The following TUT1 variants were observed in gnomAD, a reference collection of about 807,000 sequenced individuals.
The protein encoded by TUT1 is terminal uridylyl transferase 1, U6 snRNA-specific, also known as speckle targeted PIP5K1A-regulated poly(A) polymerase.
In TUT1, 26 loss-of-function variants were observed where a neutral mutation model predicts 48.8. The observed-to-expected ratio is 0.53, with a 90% CI of 0.39 to 0.74. The LOEUF is 0.74. Among genes scored for constraint, TUT1 ranks in the 30% least tolerant of loss-of-function variants. The pLI is 0.00. For synonymous variants in TUT1, 470 were observed against 460.8 expected (o/e 1.02, Z -0.26); for missense variants, 1,065 against 1,114.8 (o/e 0.96, Z 0.64).
intron 5 of TUT1, among the ~76,000 whole-genome samples, chr11:62,577,779 T>C (rs1676389731): frequency 6.6e-6 from 1 of 152,122 alleles, no homozygotes; most frequent in African/African-American, 2.4e-5. Flanking sequence ...GAAAGTAGTA[T>C]TCTAGGGCGC....
chr11:62,582,486 C>G, intron 2 of TUT1: 2 of 386,460 alleles, frequency 5.2e-6, no homozygotes, highest in Non-Finnish European at 1.1e-5. Flanking sequence ...GTTCCAATTA[C>G]TTGGGAGGCT....
At position 62,575,132 on chromosome 11, in the gene TUT1, G is replaced by C. The variant is rs376557209; in HGVS notation, c.2587C>G (p.Gln863Glu). 1.9e-6 allele frequency: 3 copies of C among 1,583,488 alleles called. No individual in the cohort carries two copies. Among genetic ancestry groups the C allele is most frequent in the African/African-American group, 1.4e-5 (1 of 73,952 alleles). ...CGAATTGCTTGAGGGAGGAAAACCT[G>C]TAAGAAATGATGGAGATCAGGGAAC... ...GLFPDLHHFLQVFLPQAIRHL... is the reference protein window; with the variant it reads ...GLFPDLHHFLEVFLPQAIRHL... The change falls in exon 9 of 9, where the codon CAG (glutamine) becomes GAG (glutamate). Residue 863 changes from glutamine (Q) to glutamate (E), a missense_variant. Gln to Glu is a conservative substitution (Grantham distance 29). Coordinates refer to ENST00000476907, the MANE Select transcript of TUT1 (RefSeq NM_022830.3).
chr11:62,583,334 G>A (rs187419542), intron 2 of TUT1, among the ~76,000 whole-genome samples: 182 of 152,022 alleles, frequency 1.2e-3, no homozygotes, highest in Middle Eastern at 3.4e-3. Flanking sequence ...GAAAAACGCC[G>A]GGCGCAGTAG....
chr11:62,588,206 A>G (rs1941950036), intron 2 of TUT1, among the ~76,000 whole-genome samples: 1 of 152,240 alleles, frequency 6.6e-6, no homozygotes, highest in Admixed American at 6.5e-5. Context: ...CTGAATCAAT[A>G]GATGACACAC....
intron 8 of TUT1, 128 bp downstream of exon 8, chr11:62,576,529 C>A: frequency 1.1e-6 from 1 of 880,828 alleles, no homozygotes; most frequent in Non-Finnish European, 1.8e-6. Context: ...TGTAAAATGG[C>A]AGTAATAATA....
At chr11:62,583,059 C>T (rs976188253) in intron 2 of TUT1, among the ~76,000 whole-genome samples, 7 of 141,302 alleles carry the variant, frequency 5.0e-5, no homozygotes, top group East Asian at 2.1e-4. Context: ...ACCCAGGAGG[C>T]GGAGCTTGCA....
intron 2 of TUT1, among the ~76,000 whole-genome samples, chr11:62,586,092 T>C (rs1941910761): frequency 1.3e-5 from 2 of 152,238 alleles, no homozygotes; most frequent in Admixed American, 6.5e-5. Flanking sequence ...CATTCCAGCC[T>C]GGGCAACAAG....
chr11:62,587,391 G>C (rs1436854701), intron 2 of TUT1, among the ~76,000 whole-genome samples: 2 of 152,116 alleles, frequency 1.3e-5, no homozygotes, highest in Non-Finnish European at 2.9e-5. Flanking sequence ...ATGTTGGTCA[G>C]GCTGATCTCG....
At chr11:62,582,114 C>T (rs1434958998) in intron 2 of TUT1, among the ~76,000 whole-genome samples, 1 of 152,000 alleles carries the variant, frequency 6.6e-6, no homozygotes, top group Non-Finnish European at 1.5e-5. Context: ...TCCCTAGTAG[C>T]TGGGATTACA....
At position 62,575,965 on chromosome 11, in the gene TUT1, C is replaced by CG; in HGVS notation, c.1753dup (p.Arg585ProfsTer87). 1 of 1,614,074 alleles carries CG rather than the reference C, an allele frequency of 6.2e-7. No individual in the cohort carries two copies. The highest frequency in any genetic ancestry group is 8.5e-7 in the Non-Finnish European group (1 of 1,180,024). On this transcript the variant is annotated frameshift_variant, in exon 9 of 9. Transcript: ENST00000476907. LOFTEE classifies it low-confidence loss of function (END_TRUNC). ...AGGGAGCAGCCCCCAGTCCCGACCC[C>CG]GGGAGGAACGGCGCTGGTACTGGAG... is the stretch of plus-strand genomic sequence containing the variant.
chr11:62,579,109 C>T (rs1316437937), intron 4 of TUT1, 79 bp from the exon 5 acceptor site: 7 of 1,105,494 alleles, frequency 6.3e-6, no homozygotes, highest in Admixed American at 6.8e-5. Context: ...TTACTTCCAG[C>T]TTATTCAGCT....
intron 3 of TUT1, 22 bp downstream of exon 3, chr11:62,581,364 C>A: frequency 6.3e-7 from 1 of 1,583,196 alleles, no homozygotes; most frequent in South Asian, 1.2e-5. Context: ...AGGGCTCAGA[C>A]ATAGTAGGGG....
In TUT1 at chr11:62,575,155, A is replaced by G. The variant is rs570212302; in HGVS notation, c.2564T>C (p.Phe855Ser). 36 of 1,601,990 alleles carry G rather than the reference A, an allele frequency of 2.2e-5. No homozygotes were observed. In the South Asian group the frequency reaches 3.9e-4, roughly 17 times the overall value. ...CTGTAAGAAATGATGGAGATCAGGG[A>G]ACAGGCCTTGGGGATCCTGGAGCGG... is the stretch of plus-strand genomic sequence containing the variant. The part of the protein sequence containing the change: ...VTPLQDPQGL[F>S]PDLHHFLQVF... The change falls in exon 9 of 9, where the codon TTC becomes TCC. Residue 855 changes from phenylalanine (F) to serine (S), a missense_variant. Physicochemically the swap from Phe to Ser is radical, Grantham distance 155. Coordinates refer to ENST00000476907, the MANE Select transcript of TUT1 (RefSeq NM_022830.3).
chr11:62,577,008 G>A lies in TUT1; in HGVS notation c.1280C>T (p.Pro427Leu), dbSNP rs756499180. The change falls in exon 7 of 9, where the codon CCC becomes CTC. Residue 427 changes from proline to leucine, a missense_variant. Physicochemically the swap from Pro to Leu is moderately conservative, Grantham distance 98. Transcript: ENST00000476907. ...GGTCAGGGCGTAGTTACTGAGAAGG[G>A]GGCCACTCCCTGGGTAAATAAGCAA... ...AQGRGLSGSG[P>L]LLSNYALTLL... is the part of the protein sequence containing the mutation. 3 of 1,613,884 alleles carry A rather than the reference G, an allele frequency of 1.9e-6. No individual in the cohort carries two copies. In the South Asian group the frequency reaches 3.3e-5, roughly 18 times the overall value.
In TUT1 at chr11:62,576,958, T is replaced by G; in HGVS notation, c.1330A>C (p.Thr444Pro). Reference sequence around the variant, plus strand: ...GTGGGCAACACAGGAGGGTCCCTGGTCTGAAGAAAATAGATCACCAGCAAG... The same window carrying G: ...GTGGGCAACACAGGAGGGTCCCTGGGCTGAAGAAAATAGATCACCAGCAAG... ...LTLLVIYFLQ[T>P]RDPPVLPTVS... Residue 444 changes from threonine (T) to proline (P), a missense_variant, in exon 7 of 9, where the codon ACC (threonine) becomes CCC (proline). By Grantham distance (38) the Thr-to-Pro change is conservative (BLOSUM62 -1). Transcript: ENST00000476907. 1.2e-6 allele frequency: 2 copies of G among 1,614,098 alleles called. No individual in the cohort carries two copies. The highest frequency in any genetic ancestry group is 1.7e-6 in the Non-Finnish European group (2 of 1,180,014).
In TUT1 at chr11:62,578,935, T is replaced by C; in HGVS notation, c.786A>G (p.Pro262=). 1 of 1,560,476 alleles carries C rather than the reference T, an allele frequency of 6.4e-7. No individual in the cohort carries two copies. The highest frequency in any genetic ancestry group is 8.7e-7 in the Non-Finnish European group (1 of 1,153,250). ...QALACTPASP[P]DSQPPASPQD... ...GGGGAGAAGCAGGAGGTTGTGAATC[T>C]GGAGGGGAAGCTGGGGTGCAGGCCA... The change falls in exon 5 of 9, where the codon CCA becomes CCG. Residue 262 remains proline (P), a synonymous_variant. Coordinates refer to ENST00000476907, the MANE Select transcript of TUT1 (RefSeq NM_022830.3).
chr11:62,578,249 A>G (rs1941761709), intron 5 of TUT1, among the ~76,000 whole-genome samples: 1 of 151,374 alleles, frequency 6.6e-6, no homozygotes, highest in Admixed American at 6.6e-5. Context: ...CAGAATTCTC[A>G]GCTGGCCTGC....
chr11:62,577,196 C>T lies in TUT1; in HGVS notation c.1256G>A (p.Gly419Asp), dbSNP rs1221250919. 3 of 1,609,848 alleles carry T rather than the reference C, an allele frequency of 1.9e-6. No individual in the cohort carries two copies. Among genetic ancestry groups the T allele is most frequent in the East Asian group, 2.2e-5 (1 of 44,870 alleles). The change falls in exon 6 of 9, where the codon GGT (glycine) becomes GAT (aspartate). Residue 419 changes from glycine to aspartate, a missense_variant. Physicochemically the swap from Gly to Asp is moderately conservative, Grantham distance 94. Transcript: ENST00000476907. Reference sequence around the variant, plus strand: ...TCCATTCTCACCTGACAGCCCCCGACCCTGAGCCCAGCAGCGGAGGGTGTA... The same window carrying T: ...TCCATTCTCACCTGACAGCCCCCGATCCTGAGCCCAGCAGCGGAGGGTGTA... Reference protein sequence around the residue: ...LVYTLRCWAQGRGLSGSGPLL... With the variant: ...LVYTLRCWAQDRGLSGSGPLL...
In TUT1 at chr11:62,581,093, G is replaced by T; in HGVS notation, c.690+13C>A. 6.2e-7 allele frequency: 1 copy of T among 1,609,736 alleles called. No homozygotes were observed. The highest frequency in any genetic ancestry group is 1.1e-5 in the South Asian group (1 of 90,916). On this transcript the variant is annotated intron_variant, in intron 4 of 8. Transcript: ENST00000476907. ...GGACTTTTCCCAGCTGCCTCCCTGG[G>T]ACACTCACTCACCTGGGGCTCTTCC...
Sources: allele counts gnomAD v4.1 joint callset (sites outside exome capture counted in the v4.1 genomes callset), GRCh38; gene constraint gnomAD v4.1.1; transcripts MANE v1.5; gene names NCBI Gene and HGNC (gene_info 2026-07-23, HGNC 2026-07-21).